Variants in FOCAD observed in about 807,000 individuals in gnomAD.
FOCAD encodes KIAA1797.
Under a neutral mutation model 225.6 loss-of-function variants are expected in FOCAD, and 198 were observed. The observed-to-expected ratio is 0.88, with a 90% confidence interval of 0.78 to 0.99. The LOEUF (loss-of-function observed/expected upper bound fraction) is 0.99. Ranked by LOEUF, FOCAD falls within the 50% of genes least tolerant of loss-of-function variation. The pLI is 0.00. For synonymous variants in FOCAD, 897 were observed against 755.0 expected, an observed-to-expected ratio of 1.19 and a Z score of -3.08; for missense variants, 2,713 against 2,123.6, an observed-to-expected ratio of 1.28 and a Z score of -5.46.
In FOCAD at chr9:20,977,894, G is replaced by A. The variant is rs537555522; in HGVS notation, c.4262-445G>A. On this transcript the variant is annotated intron_variant, in intron 36 of 43. Coordinates refer to ENST00000338382, the MANE Select transcript of FOCAD (RefSeq NM_001375567.1). ...CCTTAGAGAAAGGAAGGAAAATAAG[G>A]TGCTGATTGGAATCTTATTACTAGA... 5.9e-5 allele frequency among the ~76,000 whole-genome samples: 9 copies of A among 152,242 alleles called. No individual in the cohort carries two copies. In the South Asian group the frequency reaches 8.3e-4, roughly 14 times the overall value.
At chr9:20,731,182 G>A (rs1404770928) in intron 4 of FOCAD, among the ~76,000 whole-genome samples, 1 of 152,140 alleles carries the variant, frequency 6.6e-6, no homozygotes, top group Non-Finnish European at 1.5e-5. Flanking sequence ...AGGTTGCAGT[G>A]AGCCAAGATC....
chr9:20,659,193 C>T (rs1821622037), intron 2 of FOCAD, among the ~76,000 whole-genome samples: 1 of 151,990 alleles, frequency 6.6e-6, no homozygotes, highest in African/African-American at 2.4e-5. Context: ...GCCCTCCAGC[C>T]TAGGGAACAG....
chr9:20,921,915 A>G (rs961250241), intron 24 of FOCAD, among the ~76,000 whole-genome samples: 1 of 152,182 alleles, frequency 6.6e-6, no homozygotes, highest in Non-Finnish European at 1.5e-5. Flanking sequence ...CCCAGATTCT[A>G]GTGACCTCAC....
intron 11 of FOCAD, among the ~76,000 whole-genome samples, chr9:20,815,137 G>GTTTTTTTTTTTTTTTTTTTTTTTTTTTT (rs71334555): frequency 4.3e-5 from 3 of 69,116 alleles, no homozygotes; most frequent in African/African-American, 1.8e-4. Flanking sequence ...TTTTTTTTTT[G>GTTTTTTTTTTTTTTTTTTTTTTTTTTTT]TTTTTTTTTT....
intron 12 of FOCAD, 62 bp from the exon 13 acceptor site, chr9:20,820,262 G>A: frequency 1.6e-6 from 2 of 1,233,588 alleles, no homozygotes; most frequent in Non-Finnish European, 2.3e-6. Context: ...AAATGCTTTT[G>A]GTAACCTCGA....
intron 11 of FOCAD, among the ~76,000 whole-genome samples, chr9:20,814,910 T>C (rs892773721): frequency 1.3e-5 from 2 of 152,068 alleles, no homozygotes; most frequent in African/African-American, 4.8e-5. Flanking sequence ...ATACCAGAAT[T>C]AAAAGTGATT....
chr9:20,851,253 T>C (rs1478254459), intron 15 of FOCAD, among the ~76,000 whole-genome samples: 1 of 151,196 alleles, frequency 6.6e-6, no homozygotes, highest in East Asian at 1.9e-4. Context: ...ATTATTTAGA[T>C]CCATTGGTAT....
At chr9:20,759,469 C>T (rs1829367760) in intron 6 of FOCAD, among the ~76,000 whole-genome samples, 3 of 152,142 alleles carry the variant, frequency 2.0e-5, no homozygotes, top group Non-Finnish European at 1.5e-5. Flanking sequence ...GGAAAGGATT[C>T]CCTATTTAAT....
At chr9:20,906,269 A>G (rs746741993) in intron 21 of FOCAD, among the ~76,000 whole-genome samples, 2 of 151,920 alleles carry the variant, frequency 1.3e-5, no homozygotes, top group African/African-American at 2.4e-5. Context: ...ATGTCCTTAA[A>G]CACTAGTTAT....
chr9:20,656,571 T>C (rs1228559042), upstream of FOCAD, among the ~76,000 whole-genome samples: 8 of 151,902 alleles, frequency 5.3e-5, no homozygotes, highest in Non-Finnish European at 7.4e-5. Flanking sequence ...TGGTTTAAAG[T>C]CTGTTTTATC....
chr9:20,889,619 A>G (rs1210766875), intron 21 of FOCAD, among the ~76,000 whole-genome samples: 2 of 152,188 alleles, frequency 1.3e-5, no homozygotes, highest in African/African-American at 2.4e-5. Flanking sequence ...TTTCACCGCA[A>G]TGACATACAT....
intron 11 of FOCAD, among the ~76,000 whole-genome samples, chr9:20,797,643 T>C (rs1821275718): frequency 1.3e-5 from 2 of 152,160 alleles, no homozygotes; most frequent in South Asian, 2.1e-4. Context: ...AGAATGCTTG[T>C]GATTTTTGCA....
chr9:20,921,529 A>G (rs548252682), intron 24 of FOCAD, among the ~76,000 whole-genome samples: 43 of 152,304 alleles, frequency 2.8e-4, no homozygotes, highest in African/African-American at 9.4e-4. Flanking sequence ...AGTACCTTCT[A>G]TCCATAAGTC....
At chr9:20,880,036 C>A (rs951341262) in intron 19 of FOCAD, among the ~76,000 whole-genome samples, 6 of 152,170 alleles carry the variant, frequency 3.9e-5, no homozygotes, top group Non-Finnish European at 7.3e-5. Context: ...TATAATTATA[C>A]CCACTTTGAA....
chr9:20,938,534 A>C (rs1459777481), intron 28 of FOCAD, among the ~76,000 whole-genome samples: 1 of 151,280 alleles, frequency 6.6e-6, no homozygotes. Context: ...AACAATGAGA[A>C]CACATGGACA....
At position 20,986,390 on chromosome 9, in the gene FOCAD, C is replaced by T. The variant is rs771565092; in HGVS notation, c.4831C>T (p.Arg1611Cys). 79 of 1,611,260 alleles carry T rather than the reference C, an allele frequency of 4.9e-5. No individual in the cohort carries two copies. The highest frequency in any genetic ancestry group is 5.9e-5 in the Non-Finnish European group (70 of 1,179,478). The change falls in exon 40 of 44, where the codon CGT becomes TGT. Residue 1611 changes from arginine to cysteine, a missense_variant. Arg to Cys is a radical substitution (Grantham distance 180). Coordinates refer to ENST00000338382, the MANE Select transcript of FOCAD (RefSeq NM_001375567.1). ...TDMLSVAVQH[R>C]EKEVLAWMIL... ...TATGCTGAGCGTTGCTGTGCAGCAC[C>T]GTGAGAAAGAGGTGTTGGCCTGGAT...
At chr9:20,850,781 C>G (rs1256265331) in intron 15 of FOCAD, among the ~76,000 whole-genome samples, 1 of 150,180 alleles carries the variant, frequency 6.7e-6, no homozygotes, top group Admixed American at 6.7e-5. Context: ...AATATTATTT[C>G]CTCCAGGAAC....
At chr9:20,856,994 TA>T (rs34847580) in intron 15 of FOCAD, among the ~76,000 whole-genome samples, 90,518 of 151,808 alleles carry the variant, frequency 0.6, 27,160 homozygotes, top group East Asian at 0.67. Flanking sequence ...ACTATAGCTC[TA>T]GTAGTATAAC....
At position 20,982,393 on chromosome 9, in the gene FOCAD, T is replaced by C; in HGVS notation, c.4675T>C (p.Cys1559Arg). ...DLELYISIAK[C>R]LLEMTDDDAN... Reference sequence around the variant, plus strand: ...AGAGCTGTATATCAGCATAGCAAAATGCCTCTTAGAAATGACAGATGATGA... The same window carrying C: ...AGAGCTGTATATCAGCATAGCAAAACGCCTCTTAGAAATGACAGATGATGA... The change falls in exon 39 of 44, where the codon TGC (cysteine) becomes CGC (arginine). Residue 1559 changes from cysteine to arginine, a missense_variant. Coordinates refer to ENST00000338382, the MANE Select transcript of FOCAD (RefSeq NM_001375567.1). 6.2e-7 allele frequency: 1 copy of C among 1,613,962 alleles called. No individual in the cohort carries two copies. The highest frequency in any genetic ancestry group is 8.5e-7 in the Non-Finnish European group (1 of 1,179,894).
Sources: gnomAD v4.1 joint callset for allele counts (sites outside exome capture counted in the v4.1 genomes callset) on GRCh38, gnomAD v4.1.1 for gene constraint, MANE v1.5 for transcripts, NCBI Gene and HGNC (gene_info 2026-07-23, HGNC 2026-07-21) for gene names.